AATK: variants seen among roughly 807,000 people sequenced by gnomAD.
AATK encodes serine/threonine-protein kinase LMTK1.
AATK carries 91 observed loss-of-function variants against 114.3 expected under a neutral mutation model. The observed-to-expected ratio is 0.80, with a 90% CI of 0.67 to 0.95. The LOEUF (loss-of-function observed/expected upper bound fraction) is 0.95. Ranked by LOEUF, AATK falls within the 40% of genes least tolerant of loss-of-function variation. AATK has a pLI of 0.00. For synonymous variants in AATK, 1,075 were observed against 916.5 expected, an observed-to-expected ratio of 1.17 and a Z score of -3.12; for missense variants, 2,176 against 1,965.2, an observed-to-expected ratio of 1.11 and a Z score of -2.03.
intron 1 of AATK, among the ~76,000 whole-genome samples, chr17:81,155,372 A>G (rs1277101845): frequency 6.9e-6 from 1 of 145,426 alleles, no homozygotes; most frequent in Admixed American, 6.9e-5. Flanking sequence ...TTTTTAATAC[A>G]TTTTACCTAT....
At chr17:81,143,033 G>A (rs6565536) in intron 1 of AATK, among the ~76,000 whole-genome samples, 3,260 of 152,342 alleles carry the variant, frequency 0.021, 116 homozygotes, top group African/African-American at 0.074. Context: ...CCAGGATGGC[G>A]CCTACTCAGC....
Position 81,120,531 on chromosome 17 carries a change from GC to G in AATK, c.3404del (p.Gly1135AlafsTer172). ...SGPAPQKRMGGPGTPRAPLRL... is the reference protein window; with the variant it reads ...SGPAPQKRMGXPGTPRAPLRL... ...GGAGTGGGGCTCTGGGGGTGCCTGG[GC>G]CCCCCATCCGCTTTTGTGGGGCCGG... is the stretch of plus-strand genomic sequence containing the variant. On this transcript the variant is annotated frameshift_variant, in exon 11 of 14. Transcript: ENST00000326724. LOFTEE classifies it high-confidence loss of function. 2.0e-6 allele frequency: 3 copies of G among 1,483,986 alleles called. No individual in the cohort carries two copies. The highest frequency in any genetic ancestry group is 2.5e-5 in the Admixed American group (1 of 39,620). 91.9% of individuals were successfully genotyped at this position (1,483,986 alleles called of 1,614,324 possible).
chr17:81,119,623 A>C (rs1330550180), intron 12 of AATK, 43 bp from the exon 13 acceptor site: 33 of 1,510,524 alleles, frequency 2.2e-5, no homozygotes, highest in African/African-American at 3.0e-5. Flanking sequence ...ACAGCCTGGG[A>C]CCCCGGCCCG....
At chr17:81,133,895 C>T (rs1348210546) in intron 2 of AATK, among the ~76,000 whole-genome samples, 2 of 152,212 alleles carry the variant, frequency 1.3e-5, no homozygotes, top group African/African-American at 4.8e-5. Context: ...GTGACTCCAA[C>T]TGGCAAGAAG....
intron 1 of AATK, among the ~76,000 whole-genome samples, chr17:81,144,960 C>T (rs561709998): frequency 1.3e-5 from 2 of 152,166 alleles, no homozygotes; most frequent in African/African-American, 2.4e-5. Context: ...AGGCCGGGCG[C>T]GGTGGCTCAC....
chr17:81,138,774 C>T (rs371284968), intron 1 of AATK, among the ~76,000 whole-genome samples: 121 of 139,930 alleles, frequency 8.6e-4, no homozygotes, highest in Non-Finnish European at 1.5e-3. Flanking sequence ...CCCACATGCA[C>T]GCACACACCC....
rs991114398 is a variant in AATK at position 81,119,943 on chromosome 17, C to T, written c.3876G>A (p.Ala1292=). The T allele has an allele frequency of 9.7e-6, 14 of 1,443,524 alleles. No individual in the cohort carries two copies. The Admixed American group carries it at 1.9e-4, about 19-fold the overall frequency. 89.4% of individuals were successfully genotyped at this position (1,443,524 alleles called of 1,614,324 possible). The change falls in exon 12 of 14, where the codon GCG becomes GCA. Residue 1292 remains alanine (A), a synonymous_variant. Coordinates refer to ENST00000326724, the MANE Select transcript of AATK (RefSeq NM_001080395.3). The stretch of plus-strand genomic sequence containing the variant: ...AGCCCCGCCCCTGCTCACCCTCTTC[C>T]GCTGTGGAGCCATTTGGGGAGCCAT... The part of the protein sequence containing the change: ...QADGSPNGST[A]EEGGGFAWDD...
In AATK at chr17:81,126,060, G is replaced by A. The variant is rs1270538526; in HGVS notation, c.755+367C>T. On this transcript the variant is annotated intron_variant, in intron 7 of 13. Coordinates refer to ENST00000326724, the MANE Select transcript of AATK (RefSeq NM_001080395.3). This position sits in a 1 kb window ranked among gnomAD's most constrained non-coding sequence, Gnocchi z 5.1. ...TGGGCATCCTGGCCCAAGCAGGACA[G>A]AACCCTCCCTCCAGGGTCCTTCGAA... 1 of 484,238 alleles carries A rather than the reference G, an allele frequency of 2.1e-6. No individual in the cohort carries two copies. The highest frequency in any genetic ancestry group is 2.5e-5 in the Admixed American group (1 of 40,740). The allele number at this position is 484,238 out of a possible 1,614,324, so 30.0% of individuals were successfully genotyped here.
chr17:81,121,028 C>G lies in AATK; in HGVS notation c.2908G>C (p.Gly970Arg), dbSNP rs748207322. 4.3e-6 allele frequency: 7 copies of G among 1,609,748 alleles called. No homozygotes were observed. In the Admixed American group the frequency reaches 6.7e-5, roughly 15 times the overall value. The change falls in exon 11 of 14, where the codon GGT (glycine) becomes CGT (arginine). Residue 970 changes from glycine to arginine, a missense_variant. Physicochemically the swap from Gly to Arg is moderately radical, Grantham distance 125. Around this residue, in one of 4 missense-constraint regions of AATK, gnomAD observed 1,701 missense variants for 1,394.7 expected, o/e 1.22. Transcript: ENST00000326724. ...PQAFAELASEGEGPGPETRLS... is the reference protein window; with the variant it reads ...PQAFAELASEREGPGPETRLS... ...CGTGTCTCGGGCCCGGGGCCCTCACCCTCTGAGGCCAGCTCCGCAAAGGCC... is the reference window on the plus strand; with the variant it reads ...CGTGTCTCGGGCCCGGGGCCCTCACGCTCTGAGGCCAGCTCCGCAAAGGCC...
chr17:81,156,607 C>T (rs2061370454), intron 1 of AATK, among the ~76,000 whole-genome samples: 1 of 152,164 alleles, frequency 6.6e-6, no homozygotes, highest in Admixed American at 6.5e-5. Flanking sequence ...CTATGTTGGC[C>T]AGGCTGGTCT....
At chr17:81,147,001 G>C (rs1480770285) in intron 1 of AATK, among the ~76,000 whole-genome samples, 1 of 143,934 alleles carries the variant, frequency 6.9e-6, no homozygotes, top group African/African-American at 2.8e-5. Flanking sequence ...AGTAAGGAAT[G>C]AGAAAGTGAA....
intron 2 of AATK, among the ~76,000 whole-genome samples, chr17:81,131,439 G>T (rs773771369): frequency 6.4e-4 from 97 of 152,202 alleles, no homozygotes; most frequent in Non-Finnish European, 1.1e-3. Context: ...AGGCTCAGTT[G>T]TTCCATGAGG....
At position 81,131,188 on chromosome 17, in the gene AATK, C is replaced by T. The variant is rs1208697137; in HGVS notation, c.207G>A (p.Glu69=). The T allele has an allele frequency of 1.3e-6, 2 of 1,580,490 alleles. No individual in the cohort carries two copies. Among genetic ancestry groups the T allele is most frequent in the Non-Finnish European group, 1.7e-6 (2 of 1,165,966 alleles). Residue 69 remains glutamate (E), a synonymous_variant, in exon 3 of 14, where the codon GAG becomes GAA. Transcript: ENST00000326724. ...GIGFKEFENA[E]GDEYAADLAQ... ...CCAGGTCGGCTGCGTACTCGTCCCC[C>T]TCCGCATTCTCAAACTCCTGCGGGC...
At position 81,124,811 on chromosome 17, in the gene AATK, G is replaced by A; in HGVS notation, c.878C>T (p.Pro293Leu). 1 of 1,612,514 alleles carries A rather than the reference G, an allele frequency of 6.2e-7. No homozygotes were observed. The highest frequency in any genetic ancestry group is 1.7e-5 in the Admixed American group (1 of 59,940). ...YFVTADQLWV[P>L]LRWIAPELVD... ...CAGCTCTGGCGCGATCCAGCGCAGAGGCACCCACAGCTGGTCGGCAGTCAC... is the reference window on the plus strand; with the variant it reads ...CAGCTCTGGCGCGATCCAGCGCAGAAGCACCCACAGCTGGTCGGCAGTCAC... The change falls in exon 9 of 14, where the codon CCT becomes CTT. Residue 293 changes from proline (P) to leucine (L), a missense_variant. By Grantham distance (98) the Pro-to-Leu change is moderately conservative. This residue lies in a region of AATK where 273 missense variants were observed against 344.1 expected (regional missense o/e 0.79). Transcript: ENST00000326724.
chr17:81,118,079 G>C lies in AATK; in HGVS notation c.*323C>G. The C allele has an allele frequency of 3.4e-6, 1 of 296,776 alleles. No individual in the cohort carries two copies. The highest frequency in any genetic ancestry group is 6.3e-6 in the Non-Finnish European group (1 of 158,184). 18.4% of individuals were successfully genotyped at this position (296,776 alleles called of 1,614,324 possible). On this transcript the variant is annotated 3_prime_UTR_variant, in exon 14 of 14. Coordinates refer to ENST00000326724, the MANE Select transcript of AATK (RefSeq NM_001080395.3). ...GCCAGGCAGGCAGGGCAGAGGGTGG[G>C]GGCCGCCGTGCCCAGGGGCACTGGC...
intron 1 of AATK, among the ~76,000 whole-genome samples, chr17:81,138,515 C>G (rs1429124909): frequency 6.8e-6 from 1 of 148,146 alleles, no homozygotes; most frequent in African/African-American, 2.5e-5. Context: ...AGACACAATG[C>G]ACCCACACAC....
chr17:81,135,225 G>T (rs2060992111), intron 1 of AATK, among the ~76,000 whole-genome samples: 2 of 152,188 alleles, frequency 1.3e-5, no homozygotes, highest in Non-Finnish European at 2.9e-5. Flanking sequence ...GGAGTATTGA[G>T]CTGAGCCCGG....
Position 81,122,585 on chromosome 17 carries a change from C to T in AATK, c.1351G>A (p.Glu451Lys). 2 of 1,446,156 alleles carry T rather than the reference C, an allele frequency of 1.4e-6. No homozygotes were observed. The highest frequency in any genetic ancestry group is 1.5e-5 in the African/African-American group (1 of 66,920). The allele number at this position is 1,446,156 out of a possible 1,614,324, so 89.6% of individuals were successfully genotyped here. The change falls in exon 11 of 14, where the codon GAG becomes AAG. Residue 451 changes from glutamate (E) to lysine (K), a missense_variant. By Grantham distance (56) the Glu-to-Lys change is moderately conservative. This residue lies in a region of AATK where 1,701 missense variants were observed against 1,394.7 expected (regional missense o/e 1.22). Transcript: ENST00000326724. ...TGGAAGCCGTCGCCCGCGAACTGCT[C>T]CAGCAGCGGGAAGGACGAGGCAGCG... ...LAAASSFPLLEQFAGDGFHAD... is the reference protein window; with the variant it reads ...LAAASSFPLLKQFAGDGFHAD...
intron 3 of AATK, chr17:81,129,014 C>T (rs1409082622): frequency 1.3e-5 from 9 of 707,290 alleles, no homozygotes; most frequent in Non-Finnish European, 1.6e-5. Flanking sequence ...TGGCACGGCC[C>T]CGCACGGAGC....
Sources: allele counts gnomAD v4.1 joint callset (sites outside exome capture counted in the v4.1 genomes callset), GRCh38; gene constraint gnomAD v4.1.1; regional missense constraint gnomAD v4.1.1; non-coding constraint Gnocchi (gnomAD v3.1); transcripts MANE v1.5; gene names NCBI Gene and HGNC (gene_info 2026-07-23, HGNC 2026-07-21).